Variants in XAB2 observed in about 807,000 individuals in gnomAD.
XAB2 encodes the protein pre-mRNA-splicing factor SYF1.
In XAB2, 57 loss-of-function variants were observed where a neutral mutation model predicts 113.4. The observed-to-expected ratio is 0.50, with a 90% CI of 0.41 to 0.63. The LOEUF (loss-of-function observed/expected upper bound fraction) is 0.63. Ranked by LOEUF, XAB2 falls within the 20% of genes least tolerant of loss-of-function variation. The pLI, the probability that XAB2 is intolerant of heterozygous loss-of-function variation, is 0.00. For synonymous variants in XAB2, 497 were observed against 498.8 expected, an observed-to-expected ratio of 1.00 and a Z score of 0.05; for missense variants, 1,037 against 1,233.3, an observed-to-expected ratio of 0.84 and a Z score of 2.38.
rs4134817 is a variant in XAB2, at chr19:7,628,642, A to AGGCCTCT, written c.52-345_52-344insAGAGGCC. Among the ~76,000 whole-genome samples, 22,426 of 152,088 alleles carry AGGCCTCT rather than the reference A, an allele frequency of 0.15. 1,704 individuals carry two copies. The highest frequency in any genetic ancestry group is 0.22 in the Admixed American group (3,362 of 15,278). The stretch of plus-strand genomic sequence containing the variant: ...ATACCAAGGCCCTGGCCCAGATGCC[A>AGGCCTCT]GTCCTGGACACCAGACCCCACTTCT... On this transcript the variant is annotated intron_variant, in intron 1 of 18. Coordinates refer to ENST00000358368, the MANE Select transcript of XAB2 (RefSeq NM_020196.3). This position sits in a 1 kb window ranked among gnomAD's most constrained non-coding sequence, Gnocchi z 4.6.
At chr19:7,620,161 C>T (rs2030998994) in intron 16 of XAB2, 86 bp from the exon 17 acceptor site, 2 of 1,592,414 alleles carry the variant, frequency 1.3e-6, no homozygotes, top group Non-Finnish European at 8.5e-7. Flanking sequence ...CAGGTGATGG[C>T]CCAGCCCTCA....
In XAB2 at chr19:7,620,688, G is replaced by A. The variant is rs2031013108; in HGVS notation, c.1972-19C>T. On this transcript the variant is annotated intron_variant, in intron 14 of 18. Coordinates refer to ENST00000358368, the MANE Select transcript of XAB2 (RefSeq NM_020196.3). ...ACAGCACCTGGACACCGGGGTTGGG[G>A]AGGCCGGGAGTGAGGCCGGGGTAGC... 3 of 1,611,220 alleles carry A rather than the reference G, an allele frequency of 1.9e-6. No homozygotes were observed. Among genetic ancestry groups the A allele is most frequent in the Non-Finnish European group, 2.5e-6 (3 of 1,178,980 alleles).
At position 7,620,631 on chromosome 19, in the gene XAB2, C is replaced by T; in HGVS notation, c.2010G>A (p.Arg670=). Residue 670 remains arginine, a synonymous_variant, in exon 15 of 19, where the codon CGG becomes CGA. Transcript: ENST00000358368. ...SDEHAREMCL[R]FADMECKLGE... is the part of the protein sequence containing the mutation. ...CGAGCTTGCACTCCATGTCTGCAAA[C>T]CGCAGGCACATCTCACGCGCGTGCT... is the stretch of plus-strand genomic sequence containing the variant. 2 of 1,613,188 alleles carry T rather than the reference C, an allele frequency of 1.2e-6. No homozygotes were observed. Among genetic ancestry groups the T allele is most frequent in the Non-Finnish European group, 1.7e-6 (2 of 1,179,950 alleles).
Position 7,624,643 on chromosome 19 carries a change from G to T in XAB2, c.823-198C>A, listed in dbSNP as rs2031102884. 6.6e-6 allele frequency among the ~76,000 whole-genome samples: 1 copy of T among 152,182 alleles called. No individual in the cohort carries two copies. Among genetic ancestry groups the T allele is most frequent in the South Asian group, 2.1e-4 (1 of 4,836 alleles). On this transcript the variant is annotated intron_variant, in intron 6 of 18. Coordinates refer to ENST00000358368, the MANE Select transcript of XAB2 (RefSeq NM_020196.3). This position sits in a 1 kb window ranked among gnomAD's most constrained non-coding sequence, Gnocchi z 4.2. ...CGCCCTGCCCTGCACTGCCAGGGTG[G>T]TCTTGGGAGCTTCAGGACCTCCTCA...
Position 7,627,742 on chromosome 19 carries a change from C to T in XAB2, c.310G>A (p.Val104Met). 1 of 1,613,996 alleles carries T rather than the reference C, an allele frequency of 6.2e-7. No homozygotes were observed. Among genetic ancestry groups the T allele is most frequent in the East Asian group, 2.2e-5 (1 of 44,870 alleles). The change falls in exon 3 of 19, where the codon GTG (valine) becomes ATG (methionine). Residue 104 changes from valine (V) to methionine (M), a missense_variant. Val to Met is a conservative substitution (Grantham distance 21). Coordinates refer to ENST00000358368, the MANE Select transcript of XAB2 (RefSeq NM_020196.3). The surrounding 1 kb of genome is among the most constrained non-coding windows in gnomAD (Gnocchi z 4.5). ...DVNNCHERAF[V>M]FMHKMPRLWL... The stretch of plus-strand genomic sequence containing the variant: ...GAGCCCCAAACCTTGTGCATGAACA[C>T]AAAGGCCCTCTCATGACAGTTGTTG...
chr19:7,621,095 G>GGCCCCCCCCCCCCCCCCCCCCACCC, intron 13 of XAB2, 40 bp downstream of exon 13: 1 of 1,486,328 alleles, frequency 6.7e-7, no homozygotes, highest in Non-Finnish European at 9.0e-7. Context: ...CAGAAACCCA[G>GGCCCCCCCCCCCCCCCCCCCCACCC]CCCGCCCGCC....
chr19:7,620,221 C>A, intron 16 of XAB2, 54 bp downstream of exon 16: 1 of 1,608,192 alleles, frequency 6.2e-7, no homozygotes, highest in South Asian at 1.1e-5. Flanking sequence ...AAGCCCAGGT[C>A]AGGCCGGGCT....
chr19:7,620,505 G>A (rs374854321), intron 15 of XAB2, 42 bp downstream of exon 15: 56 of 1,610,178 alleles, frequency 3.5e-5, no homozygotes, highest in East Asian at 6.7e-5. Context: ...TGACTCCGCC[G>A]CAGCCCCCAA....
Position 7,623,520 on chromosome 19 carries a change from G to T in XAB2, c.1119+211C>A, listed in dbSNP as rs2031079363. ...CTCCAAGGGGCGGGGCCACGAGGGA[G>T]CTGTGGCCCTCCAAGGGGTGGGGCC... is the stretch of plus-strand genomic sequence containing the variant. On this transcript the variant is annotated intron_variant, in intron 8 of 18. Transcript: ENST00000358368. This position sits in a 1 kb window ranked among gnomAD's most constrained non-coding sequence, Gnocchi z 4.6. 6.6e-6 allele frequency among the ~76,000 whole-genome samples: 1 copy of T among 151,594 alleles called. No homozygotes were observed. The highest frequency in any genetic ancestry group is 6.6e-5 in the Admixed American group (1 of 15,224).
At position 7,621,122 on chromosome 19, in the gene XAB2, CT is replaced by C; in HGVS notation, c.1780+12del. The stretch of plus-strand genomic sequence containing the variant: ...CCGCCCGCCACCCCCCCCATGCCCT[CT>C]GCCCGCCTCACTCTTGGCATATTTT... On this transcript the variant is annotated intron_variant, in intron 13 of 18. Transcript: ENST00000358368. 6.4e-7 allele frequency: 1 copy of C among 1,574,686 alleles called. No individual in the cohort carries two copies. Among genetic ancestry groups the C allele is most frequent in the Non-Finnish European group, 8.6e-7 (1 of 1,159,408 alleles).
rs1360128640 is a variant in XAB2 at position 7,623,005 on chromosome 19, CACACACACAG to C, written c.1240-122_1240-113del. ...AAACATACAGGCACAAACACACAGG[CACACACACAG>C]GCACACACATGCGTGCACATATGCA... is the stretch of plus-strand genomic sequence containing the variant. On this transcript the variant is annotated intron_variant, in intron 9 of 18. Transcript: ENST00000358368. This position sits in a 1 kb window ranked among gnomAD's most constrained non-coding sequence, Gnocchi z 4.6. 14 of 1,544,606 alleles carry C rather than the reference CACACACACAG, an allele frequency of 9.1e-6. No individual in the cohort carries two copies. The highest frequency in any genetic ancestry group is 1.2e-5 in the Non-Finnish European group (14 of 1,145,796).
At chr19:7,622,301 G>GGGTCCACCTCTGGGTCCCT in intron 12 of XAB2, 30 bp downstream of exon 12, 1 of 1,610,316 alleles carries the variant, frequency 6.2e-7, no homozygotes, top group African/African-American at 1.3e-5. Context: ...ACTGCCATCA[G>GGGTCCACCTCTGGGTCCCT]GGGCCTCTGG....
chr19:7,623,183 C>G lies in XAB2; in HGVS notation c.1226G>C (p.Gly409Ala), dbSNP rs755927489. ...VAFAKFYEDN[G>A]QLDDARVILE... ...CAGGGTGCTCACATCGTCCAGCTGT[C>G]CGTTGTCCTCATAAAACTTGGCAAA... The change falls in exon 9 of 19, where the codon GGA becomes GCA. Residue 409 changes from glycine to alanine, a missense_variant. Coordinates refer to ENST00000358368, the MANE Select transcript of XAB2 (RefSeq NM_020196.3). This position sits in a 1 kb window ranked among gnomAD's most constrained non-coding sequence, Gnocchi z 4.6. 1 of 1,613,774 alleles carries G rather than the reference C, an allele frequency of 6.2e-7. No homozygotes were observed. Among genetic ancestry groups the G allele is most frequent in the Non-Finnish European group, 8.5e-7 (1 of 1,180,026 alleles).
At position 7,623,314 on chromosome 19, in the gene XAB2, T is replaced by C. The variant is rs2146186306; in HGVS notation, c.1120-25A>G. 3 of 1,612,146 alleles carry C rather than the reference T, an allele frequency of 1.9e-6. No individual in the cohort carries two copies. The highest frequency in any genetic ancestry group is 1.7e-6 in the Non-Finnish European group (2 of 1,179,652). ...TCTGGGGACAGGAGGGAGGAGGTCA[T>C]ATAGGACTCAGGACCCTGCAGATGA... On this transcript the variant is annotated intron_variant, in intron 8 of 18. Transcript: ENST00000358368. The surrounding 1 kb of genome is among the most constrained non-coding windows in gnomAD (Gnocchi z 4.6).
chr19:7,621,047 T>C lies in XAB2; in HGVS notation c.1781-11A>G. 6.5e-7 allele frequency: 1 copy of C among 1,544,004 alleles called. No individual in the cohort carries two copies. The highest frequency in any genetic ancestry group is 1.2e-5 in the South Asian group (1 of 83,350). ...ACAGCAGGTACAAGGCTGGGCGGGG[T>C]AGGCGGGGAGAGGGGAGCACGGTCA... On this transcript the variant is annotated splice_polypyrimidine_tract_variant and intron_variant, in intron 13 of 18. Transcript: ENST00000358368.
chr19:7,619,978 G>T lies in XAB2; in HGVS notation c.2364C>A (p.Pro788=). The T allele has an allele frequency of 6.2e-7, 1 of 1,612,150 alleles. No individual in the cohort carries two copies. The highest frequency in any genetic ancestry group is 1.3e-5 in the African/African-American group (1 of 75,058). The change falls in exon 17 of 19, where the codon CCC becomes CCA. Residue 788 remains proline, a synonymous_variant. Coordinates refer to ENST00000358368, the MANE Select transcript of XAB2 (RefSeq NM_020196.3). ...QLAAEAERDQ[P]LRAQSKILFV... The stretch of plus-strand genomic sequence containing the variant: ...ACAGGATCTTGCTCTGGGCGCGCAA[G>T]GGCTGGTCACGCTCCGCCTCAGCCG...
rs561785300 is a variant in XAB2 at position 7,621,695 on chromosome 19, C to T, written c.1618-398G>A. On this transcript the variant is annotated intron_variant, in intron 12 of 18. Transcript: ENST00000358368. The stretch of plus-strand genomic sequence containing the variant: ...TTTGTGTATCTGTATAATGCCCACA[C>T]GATCCATAGAAACACACACTCAAAC... 27 of 207,992 alleles carry T rather than the reference C, an allele frequency of 1.3e-4. No homozygotes were observed. The South Asian group carries it at 2.3e-3, about 18-fold the overall frequency. 12.9% of individuals were successfully genotyped at this position (207,992 alleles called of 1,614,324 possible). A position where few individuals can be genotyped will look rare whatever the true frequency, so the allele number is the denominator to read the frequency against.
chr19:7,623,419 C>T lies in XAB2; in HGVS notation c.1120-130G>A, dbSNP rs567448195. The stretch of plus-strand genomic sequence containing the variant: ...CCTGTCGGGAGAGGCCAGAAACGAA[C>T]TATGGCCCTTGACAATGGTCAGGAC... On this transcript the variant is annotated intron_variant, in intron 8 of 18. Coordinates refer to ENST00000358368, the MANE Select transcript of XAB2 (RefSeq NM_020196.3). The surrounding 1 kb of genome is among the most constrained non-coding windows in gnomAD (Gnocchi z 4.6). 53 of 1,265,736 alleles carry T rather than the reference C, an allele frequency of 4.2e-5. No individual in the cohort carries two copies. In the African/African-American group the frequency reaches 7.3e-4, roughly 17 times the overall value. 78.4% of individuals were successfully genotyped at this position (1,265,736 alleles called of 1,614,324 possible).
chr19:7,627,145 C>A lies in XAB2; in HGVS notation c.522+98G>T. The A allele has an allele frequency of 7.2e-7, 1 of 1,380,150 alleles. No homozygotes were observed. Among genetic ancestry groups the A allele is most frequent in the Non-Finnish European group, 1.0e-6 (1 of 998,528 alleles). The allele number at this position is 1,380,150 out of a possible 1,614,324, so 85.5% of individuals were successfully genotyped here. A position where few individuals can be genotyped will look rare whatever the true frequency, so the allele number is the denominator to read the frequency against. Reference sequence around the variant, plus strand: ...ATGCATCTCCAGGAGCCTCTTCCCACATCCCGTCTGCTGGGTGACATCCTA... The same window carrying A: ...ATGCATCTCCAGGAGCCTCTTCCCAAATCCCGTCTGCTGGGTGACATCCTA... On this transcript the variant is annotated intron_variant, in intron 4 of 18. Transcript: ENST00000358368. This position sits in a 1 kb window ranked among gnomAD's most constrained non-coding sequence, Gnocchi z 4.5.
Sources: allele counts gnomAD v4.1 joint callset (sites outside exome capture counted in the v4.1 genomes callset), GRCh38; gene constraint gnomAD v4.1.1; non-coding constraint Gnocchi (gnomAD v3.1); transcripts MANE v1.5; gene names NCBI Gene and HGNC (gene_info 2026-07-23, HGNC 2026-07-21).